COX19: variants seen among roughly 807,000 people sequenced by gnomAD.
The protein encoded by COX19 is cytochrome c oxidase assembly protein COX19.
A neutral mutation model predicts 6.8 loss-of-function variants in COX19; 8 were observed. The ratio of observed to expected loss-of-function variants is 1.18; its 90% CI spans 0.69 to 2.12. COX19 has a LOEUF of 2.12. COX19 is among the 30% of genes most tolerant of loss of function. COX19 has a pLI of 0.00. For missense variants in COX19, 131 were observed against 104.6 expected, an observed-to-expected ratio of 1.25 and a Z score of -1.10; for synonymous variants, 51 against 38.0, an observed-to-expected ratio of 1.34 and a Z score of -1.26.
At chr7:971,929 A>G (rs1847642299) in intron 2 of COX19, among the ~76,000 whole-genome samples, 1 of 152,316 alleles carries the variant, frequency 6.6e-6, no homozygotes, top group East Asian at 1.9e-4. Context: ...TGCCCTGAAC[A>G]TTTGCCTAAA....
intron 1 of COX19, among the ~76,000 whole-genome samples, chr7:974,315 T>TA (rs1415925926): frequency 1.3e-5 from 2 of 149,730 alleles, no homozygotes; most frequent in East Asian, 4.0e-4. Context: ...CCAGCTACTC[T>TA]AGAGGATGAG....
chr7:964,987 G>A lies in COX19; in HGVS notation c.*4391C>T, dbSNP rs1418193169. ...GAGAAGCTCTGGCAGGAACAGCAGG[G>A]TGTCTGGATTCTTAAGCACAACACA... On this transcript the variant is annotated 3_prime_UTR_variant, in exon 3 of 3. Transcript: ENST00000344111. Among the ~76,000 whole-genome samples, 1 of 152,228 alleles carries A rather than the reference G, an allele frequency of 6.6e-6. No individual in the cohort carries two copies. The highest frequency in any genetic ancestry group is 1.9e-4 in the East Asian group (1 of 5,204).
chr7:969,210 A>G lies in COX19; in HGVS notation c.*168T>C. 1 of 631,212 alleles carries G rather than the reference A, an allele frequency of 1.6e-6. No homozygotes were observed. The highest frequency in any genetic ancestry group is 1.9e-5 in the South Asian group (1 of 51,488). 39.1% of individuals were successfully genotyped at this position (631,212 alleles called of 1,614,324 possible). A position where few individuals can be genotyped will look rare whatever the true frequency, so the allele number is the denominator to read the frequency against. Reference sequence around the variant, plus strand: ...TGCAGAAACACCCTCCTAAGGGAAAACGGGACGCCACTCCCTACCCAGGAG... The same window carrying G: ...TGCAGAAACACCCTCCTAAGGGAAAGCGGGACGCCACTCCCTACCCAGGAG... On this transcript the variant is annotated 3_prime_UTR_variant, in exon 3 of 3. Coordinates refer to ENST00000344111, the MANE Select transcript of COX19 (RefSeq NM_001031617.3).
chr7:971,156 G>C (rs1235232186), intron 2 of COX19, among the ~76,000 whole-genome samples: 1 of 152,192 alleles, frequency 6.6e-6, no homozygotes, highest in Non-Finnish European at 1.5e-5. Context: ...CAGCGTGTCT[G>C]TGTGACACCC....
Position 964,989 on chromosome 7 carries a change from G to A in COX19, c.*4389C>T, listed in dbSNP as rs1327056493. On this transcript the variant is annotated 3_prime_UTR_variant, in exon 3 of 3. Transcript: ENST00000344111. The stretch of plus-strand genomic sequence containing the variant: ...GAAGCTCTGGCAGGAACAGCAGGGT[G>A]TCTGGATTCTTAAGCACAACACATT... Among the ~76,000 whole-genome samples the A allele has an allele frequency of 6.6e-6, 1 of 152,214 alleles. No homozygotes were observed. The highest frequency in any genetic ancestry group is 2.4e-5 in the African/African-American group (1 of 41,452).
rs940908903 is a variant in COX19 at position 967,430 on chromosome 7, C to T, written c.*1948G>A. On this transcript the variant is annotated 3_prime_UTR_variant, in exon 3 of 3. Coordinates refer to ENST00000344111, the MANE Select transcript of COX19 (RefSeq NM_001031617.3). ...GAATACAGCTTCAGAATCGTCCACG[C>T]AAAAAACAAATTTACTACTTAGAGT... The T allele has an allele frequency of 6.6e-6, 1 of 152,216 alleles. No homozygotes were observed. Among genetic ancestry groups the T allele is most frequent in the Non-Finnish European group, 1.5e-5 (1 of 68,032 alleles). The allele number at this position is 152,216 out of a possible 1,614,324, so 9.4% of individuals were successfully genotyped here.
chr7:972,511 C>T (rs532542147), intron 2 of COX19, among the ~76,000 whole-genome samples: 3 of 152,288 alleles, frequency 2.0e-5, no homozygotes, highest in Admixed American at 2.0e-4. Flanking sequence ...GACCGAAATG[C>T]TTAGTGAGCT....
Position 975,523 on chromosome 7 carries a change from G to T in COX19, c.-14C>A, listed in dbSNP as rs762650817. The T allele has an allele frequency of 1.3e-6, 2 of 1,598,082 alleles. No individual in the cohort carries two copies. The highest frequency in any genetic ancestry group is 1.7e-6 in the Non-Finnish European group (2 of 1,173,638). On this transcript the variant is annotated 5_prime_UTR_variant, in exon 1 of 3. Transcript: ENST00000344111. ...GGCGGTCGACATGTTGGCGACTCCGGAGTCTGCGAGCGCCTTGCGAGCGTA... is the reference window on the plus strand; with the variant it reads ...GGCGGTCGACATGTTGGCGACTCCGTAGTCTGCGAGCGCCTTGCGAGCGTA...
rs1427544873 is a variant in COX19, at chr7:968,233, C to T, written c.*1145G>A. The T allele has an allele frequency of 6.6e-6, 1 of 152,342 alleles. No individual in the cohort carries two copies. Among genetic ancestry groups the T allele is most frequent in the Admixed American group, 6.5e-5 (1 of 15,282 alleles). The allele number at this position is 152,342 out of a possible 1,614,324, so 9.4% of individuals were successfully genotyped here. A position where few individuals can be genotyped will look rare whatever the true frequency, so the allele number is the denominator to read the frequency against. ...ACCACTGCAGGACAGAAACAGAGGGCCTTTGCTGCAGAGAACTGGAGATGG... is the reference window on the plus strand; with the variant it reads ...ACCACTGCAGGACAGAAACAGAGGGTCTTTGCTGCAGAGAACTGGAGATGG... On this transcript the variant is annotated 3_prime_UTR_variant, in exon 3 of 3. Transcript: ENST00000344111.
At position 969,285 on chromosome 7, in the gene COX19, C is replaced by A; in HGVS notation, c.*93G>T. 1.2e-6 allele frequency: 1 copy of A among 806,034 alleles called. No individual in the cohort carries two copies. Among genetic ancestry groups the A allele is most frequent in the Non-Finnish European group, 2.2e-6 (1 of 458,416 alleles). The allele number at this position is 806,034 out of a possible 1,614,324, so 49.9% of individuals were successfully genotyped here. A position where few individuals can be genotyped will look rare whatever the true frequency, so the allele number is the denominator to read the frequency against. ...TATTCGAAGCCCATTTCTAAGGACA[C>A]CACACGCAGGCCTCAGCCAACCTAA... On this transcript the variant is annotated 3_prime_UTR_variant, in exon 3 of 3. Transcript: ENST00000344111.
chr7:969,416 CA>C lies in COX19; in HGVS notation c.234del (p.Phe78LeufsTer4). ...TCTGATTTTCCACTAGTCAAGTCTC[CA>C]AATCCCAGTTTCTCCAATGGTTCTT... ...MLQEPLEKLGFGDLTSGKSEA... is the reference protein window; with the variant it reads ...MLQEPLEKLGXGDLTSGKSEA... On this transcript the variant is annotated frameshift_variant, in exon 3 of 3. Transcript: ENST00000344111. LOFTEE classifies it high-confidence loss of function. The C allele has an allele frequency of 6.2e-7, 1 of 1,612,064 alleles. No individual in the cohort carries two copies. The highest frequency in any genetic ancestry group is 1.1e-5 in the South Asian group (1 of 91,028).
intron 1 of COX19, among the ~76,000 whole-genome samples, chr7:974,448 C>G (rs1847676824): frequency 6.6e-6 from 1 of 152,004 alleles, no homozygotes; most frequent in Non-Finnish European, 1.5e-5. Flanking sequence ...AACAATCAAA[C>G]CCAAACTTGT....
chr7:970,720 C>A (rs1014737804), intron 2 of COX19, among the ~76,000 whole-genome samples: 3 of 152,144 alleles, frequency 2.0e-5, no homozygotes, highest in African/African-American at 7.2e-5. Context: ...CGGGCGTGAG[C>A]CACTGCACCC....
chr7:975,451 C>T lies in COX19; in HGVS notation c.59G>A (p.Gly20Asp). ...ACCTAAGTGATCCAGCGGGAAGCTG[C>T]CCTTGTCCGGGGGCCGCGGCTGGAA... ...KSFQPRPPDK[G>D]SFPLDHLGEC... Residue 20 changes from glycine (G) to aspartate (D), a missense_variant, in exon 1 of 3, where the codon GGC (glycine) becomes GAC (aspartate). Coordinates refer to ENST00000344111, the MANE Select transcript of COX19 (RefSeq NM_001031617.3). The T allele has an allele frequency of 6.2e-7, 1 of 1,600,156 alleles. No homozygotes were observed. The highest frequency in any genetic ancestry group is 8.5e-7 in the Non-Finnish European group (1 of 1,174,990).
In COX19 at chr7:975,470, G is replaced by T. The variant is rs199952580; in HGVS notation, c.40C>A (p.Pro14Thr). ...AMNFGTKSFQ[P>T]RPPDKGSFPL... Reference sequence around the variant, plus strand: ...AAGCTGCCCTTGTCCGGGGGCCGCGGCTGGAAGCTCTTGGTCCCGAAATTC... The same window carrying T: ...AAGCTGCCCTTGTCCGGGGGCCGCGTCTGGAAGCTCTTGGTCCCGAAATTC... Residue 14 changes from proline to threonine, a missense_variant, in exon 1 of 3, where the codon CCG (proline) becomes ACG (threonine). By Grantham distance (38) the Pro-to-Thr change is conservative. Coordinates refer to ENST00000344111, the MANE Select transcript of COX19 (RefSeq NM_001031617.3). 3 of 1,602,480 alleles carry T rather than the reference G, an allele frequency of 1.9e-6. No individual in the cohort carries two copies. Among genetic ancestry groups the T allele is most frequent in the South Asian group, 2.2e-5 (2 of 89,510 alleles).
rs1285104809 is a variant in COX19, at chr7:965,685, G to A, written c.*3693C>T. Among the ~76,000 whole-genome samples the A allele has an allele frequency of 6.6e-6, 1 of 152,172 alleles. No homozygotes were observed. Among genetic ancestry groups the A allele is most frequent in the Non-Finnish European group, 1.5e-5 (1 of 68,020 alleles). The stretch of plus-strand genomic sequence containing the variant: ...TTTTTTGAGACGGTTCTGTCGCCCA[G>A]GCTGGAGTGTGGTGGCACAATCCCT... On this transcript the variant is annotated 3_prime_UTR_variant, in exon 3 of 3. Transcript: ENST00000344111.
Position 967,009 on chromosome 7 carries a change from C to CA in COX19, c.*2368dup. 2 of 152,338 alleles carry CA rather than the reference C, an allele frequency of 1.3e-5. 1 individual carries two copies. The highest frequency in any genetic ancestry group is 4.1e-4 in the South Asian group (2 of 4,824). The allele number at this position is 152,338 out of a possible 1,614,324, so 9.4% of individuals were successfully genotyped here. A position where few individuals can be genotyped will look rare whatever the true frequency, so the allele number is the denominator to read the frequency against. The stretch of plus-strand genomic sequence containing the variant: ...CAGGACAGTGGTGATGCTGGCGACT[C>CA]AGACACACCAGAGAAGCTGCCAAGC... On this transcript the variant is annotated 3_prime_UTR_variant, in exon 3 of 3. Transcript: ENST00000344111.
intron 2 of COX19, among the ~76,000 whole-genome samples, chr7:970,572 T>C (rs547103612): frequency 6.6e-6 from 1 of 151,614 alleles, no homozygotes; most frequent in African/African-American, 2.4e-5. Flanking sequence ...GCCTCCCAAG[T>C]AGCTGGGATT....
intron 1 of COX19, among the ~76,000 whole-genome samples, chr7:974,130 G>A (rs552930746): frequency 2.1e-4 from 32 of 149,024 alleles, no homozygotes; most frequent in Non-Finnish European, 4.5e-4. Flanking sequence ...CCGGGAGGAG[G>A]AGGTTGCAGT....
Sources: allele counts gnomAD v4.1 joint callset (sites outside exome capture counted in the v4.1 genomes callset), GRCh38; gene constraint gnomAD v4.1.1; transcripts MANE v1.5; gene names NCBI Gene and HGNC (gene_info 2026-07-23, HGNC 2026-07-21).